The following ZFP64 variants were observed in gnomAD, a reference collection of about 807,000 sequenced individuals.
The protein encoded by ZFP64 is zinc finger protein 64.
A neutral mutation model predicts 51.6 loss-of-function variants in ZFP64; 14 were observed. The ratio of observed to expected loss-of-function variants is 0.27; its 90% CI spans 0.18 to 0.42. The LOEUF (loss-of-function observed/expected upper bound fraction) is 0.42. ZFP64 is among the 10% of genes least tolerant of loss of function. The pLI is 1.00. For synonymous variants in ZFP64, 375 were observed against 361.4 expected, an observed-to-expected ratio of 1.04 and a Z score of -0.43; for missense variants, 754 against 906.8, an observed-to-expected ratio of 0.83 and a Z score of 2.16.
chr20:52,100,684 A>G (rs904312966), intron 5 of ZFP64, among the ~76,000 whole-genome samples: 5 of 152,214 alleles, frequency 3.3e-5, no homozygotes, highest in African/African-American at 1.2e-4. Flanking sequence ...TTAGCATGAG[A>G]GGCTGTAGAG....
intron 5 of ZFP64, among the ~76,000 whole-genome samples, chr20:52,101,941 A>AAC (rs2079055762): frequency 1.7e-5 from 1 of 60,184 alleles, no homozygotes; most frequent in Admixed American, 1.8e-4. Context: ...TAAAAATACC[A>AAC]AAAAAAAAAA....
intron 2 of ZFP64, among the ~76,000 whole-genome samples, chr20:52,184,858 C>T (rs1354908689): frequency 6.6e-6 from 1 of 152,078 alleles, no homozygotes; most frequent in East Asian, 1.9e-4. Flanking sequence ...GAACTCCTGG[C>T]CTCAAGTGAT....
chr20:52,099,964 C>G (rs760749689), intron 5 of ZFP64, among the ~76,000 whole-genome samples: 22 of 152,124 alleles, frequency 1.4e-4, no homozygotes, highest in Non-Finnish European at 2.6e-4. Context: ...AGACTTAAAT[C>G]TAAAAGGAAA....
At chr20:52,116,887 T>A (rs892746609) in intron 5 of ZFP64, among the ~76,000 whole-genome samples, 1 of 152,110 alleles carries the variant, frequency 6.6e-6, no homozygotes, top group African/African-American at 2.4e-5. Flanking sequence ...CTGGCCAACA[T>A]GGTGAAACCC....
intron 5 of ZFP64, among the ~76,000 whole-genome samples, chr20:52,119,699 A>T (rs2122846284): frequency 6.6e-6 from 1 of 151,300 alleles, no homozygotes; most frequent in East Asian, 2.0e-4. Context: ...TGGGAGGCGG[A>T]GGTTGCAGTG....
chr20:52,136,037 T>G (rs1874690444), intron 5 of ZFP64, among the ~76,000 whole-genome samples: 1 of 133,336 alleles, frequency 7.5e-6, no homozygotes. Context: ...AGGTGGAGGT[T>G]GCAGTGAGCC....
At chr20:52,132,062 A>G (rs781210633) in intron 5 of ZFP64, among the ~76,000 whole-genome samples, 1 of 152,202 alleles carries the variant, frequency 6.6e-6, no homozygotes, top group Non-Finnish European at 1.5e-5. Context: ...AATTAATAAC[A>G]AGAGGAATTT....
chr20:52,102,945 G>A (rs979274523), intron 5 of ZFP64, among the ~76,000 whole-genome samples: 4 of 152,082 alleles, frequency 2.6e-5, no homozygotes, highest in African/African-American at 9.7e-5. Flanking sequence ...AAAGATGCAT[G>A]TTTTCAACGC....
At chr20:52,186,746 G>C in intron 2 of ZFP64, 86 bp downstream of exon 2, 1 of 1,507,944 alleles carries the variant, frequency 6.6e-7, no homozygotes, top group Non-Finnish European at 8.9e-7. Flanking sequence ...TGGGCTCTGG[G>C]AATCTATATT....
intron 5 of ZFP64, among the ~76,000 whole-genome samples, chr20:52,109,817 G>A (rs1366929123): frequency 6.7e-6 from 1 of 148,910 alleles, no homozygotes; most frequent in African/African-American, 2.5e-5. Flanking sequence ...AAAATTTGTT[G>A]CTAATTTTAA....
intron 5 of ZFP64, among the ~76,000 whole-genome samples, chr20:52,124,344 C>T (rs1442899024): frequency 6.6e-6 from 1 of 152,132 alleles, no homozygotes; most frequent in African/African-American, 2.4e-5. Flanking sequence ...GTGATTGCTT[C>T]TGGGGAGCGA....
intron 2 of ZFP64, among the ~76,000 whole-genome samples, chr20:52,166,253 G>C (rs188895823): frequency 6.6e-6 from 1 of 151,284 alleles, no homozygotes; most frequent in Non-Finnish European, 1.5e-5. Flanking sequence ...AGCATGGGGG[G>C]GCAGGGTGGG....
At chr20:52,089,329 T>C (rs1481031794) in intron 7 of ZFP64, among the ~76,000 whole-genome samples, 1 of 152,140 alleles carries the variant, frequency 6.6e-6, no homozygotes, top group Non-Finnish European at 1.5e-5. Context: ...AAATGAAAAC[T>C]ATGGAAATCA....
At chr20:52,117,701 G>T (rs1020891180) in intron 5 of ZFP64, 1 of 456,452 alleles carries the variant, frequency 2.2e-6, no homozygotes, top group African/African-American at 2.0e-5. Flanking sequence ...GTGCAGCATG[G>T]GTGTGGACCA....
chr20:52,113,244 G>A (rs8120694), intron 5 of ZFP64, among the ~76,000 whole-genome samples: 24,625 of 151,696 alleles, frequency 0.16, 2,228 homozygotes, highest in Non-Finnish European at 0.21. Context: ...TGAGGCAGGA[G>A]AATGACGTGA....
intron 5 of ZFP64, 143 bp downstream of exon 5, chr20:52,159,980 C>CA (rs964192158): frequency 1.6e-3 from 2,132 of 1,343,140 alleles, no homozygotes; most frequent in South Asian, 2.0e-3. Flanking sequence ...ACAACAACAA[C>CA]AAAAAAAAAC....
chr20:52,121,109 T>G (rs1263407692), intron 5 of ZFP64, among the ~76,000 whole-genome samples: 3 of 152,182 alleles, frequency 2.0e-5, no homozygotes, highest in Non-Finnish European at 4.4e-5. Context: ...CAGTCCCTTC[T>G]CTCTCCTTTT....
chr20:52,148,919 A>C (rs1980657166), downstream of ZFP64, among the ~76,000 whole-genome samples: 1 of 152,218 alleles, frequency 6.6e-6, no homozygotes, highest in Non-Finnish European at 1.5e-5. Flanking sequence ...AGGTAAAGTC[A>C]AAAGACAATG....
chr20:52,144,591 A>AAAAAAAAG (rs1980427305), intron 5 of ZFP64, among the ~76,000 whole-genome samples: 1 of 147,916 alleles, frequency 6.8e-6, no homozygotes, highest in African/African-American at 2.5e-5. Flanking sequence ...AAAAAAAAAA[A>AAAAAAAAG]AAAAAAAAAA....
Sources: allele counts gnomAD v4.1 joint callset (sites outside exome capture counted in the v4.1 genomes callset), GRCh38; gene constraint gnomAD v4.1.1; transcripts MANE v1.5; gene names NCBI Gene and HGNC (gene_info 2026-07-23, HGNC 2026-07-21).